Variants in UGT2B11 observed in about 807,000 individuals in gnomAD.
UGT2B11 encodes UDP-glucuronosyltransferase 2B11.
A neutral mutation model predicts 51.7 loss-of-function variants in UGT2B11; 49 were observed. The ratio of observed to expected loss-of-function variants is 0.95; its 90% CI spans 0.75 to 1.20. The LOEUF is 1.20. Ranked by LOEUF, UGT2B11 falls within the 50% of genes most tolerant of loss-of-function variation. The probability of loss-of-function intolerance (pLI) is 0.00; values close to 1 mark genes in which losing one functional copy is unlikely to be tolerated. For missense variants in UGT2B11, 810 were observed against 622.1 expected (o/e 1.30, Z -3.21); for synonymous variants, 273 against 209.0 (o/e 1.31, Z -2.64).
the UGT2B11 span, among the ~76,000 whole-genome samples, chr4:69,224,379 T>C: frequency 1.3e-5 from 2 of 152,014 alleles, no homozygotes; most frequent in African/African-American, 2.4e-5. Flanking sequence ...CGGACCACCA[T>C]GAAAAGTGAA....
In UGT2B11 at chr4:69,200,312, ATTTTT is replaced by A. The variant is rs11340393; in HGVS notation, c.*123_*127del. 3.8e-3 allele frequency: 3,111 copies of A among 812,570 alleles called. 1 individual carries two copies. Among genetic ancestry groups the A allele is most frequent in the East Asian group, 8.3e-3 (152 of 18,396 alleles). 50.3% of individuals were successfully genotyped at this position (812,570 alleles called of 1,614,324 possible). A position where few individuals can be genotyped will look rare whatever the true frequency, so the allele number is the denominator to read the frequency against. ...TTTACTTGACAAGGTAGATTTGAAA[ATTTTT>A]TTTTTTTTTTTTTTTTTGTCACAGG... On this transcript the variant is annotated 3_prime_UTR_variant, in exon 6 of 6. Coordinates refer to ENST00000446444, the MANE Select transcript of UGT2B11 (RefSeq NM_001073.3).
At chr4:69,220,488 A>T in the UGT2B11 span, among the ~76,000 whole-genome samples, 5 of 6,166 alleles carry the variant, frequency 8.1e-4, no homozygotes, top group Non-Finnish European at 1.3e-3. Context: ...CACATTTTGC[A>T]CTCACACTGT....
At chr4:69,202,755 A>T (rs1013770634) in intron 5 of UGT2B11, among the ~76,000 whole-genome samples, 2 of 151,678 alleles carry the variant, frequency 1.3e-5, no homozygotes, top group African/African-American at 4.8e-5. Context: ...AATCTACCAC[A>T]TTGTTTTATG....
the UGT2B11 span, among the ~76,000 whole-genome samples, chr4:69,224,503 C>A: frequency 6.6e-6 from 1 of 152,116 alleles, no homozygotes; most frequent in Non-Finnish European, 1.5e-5. Flanking sequence ...CATGGCCGCG[C>A]TAATCACCTT....
Position 69,204,522 on chromosome 4 carries a change from C to A in UGT2B11, c.1218G>T (p.Met406Ile). ...FFDQPDNIAH[M>I]KAKGAAVRLD... ...ATCTAACAGCTGCTCCCTTGGCCTT[C>A]ATGTGAGCAATGTTATCAGGTTGAT... is the stretch of plus-strand genomic sequence containing the variant. Residue 406 changes from methionine (M) to isoleucine (I), a missense_variant, in exon 5 of 6, where the codon ATG becomes ATT. Met to Ile is a conservative substitution (Grantham distance 10). Transcript: ENST00000446444. The A allele has an allele frequency of 6.2e-7, 1 of 1,612,364 alleles. No individual in the cohort carries two copies. Among genetic ancestry groups the A allele is most frequent in the Non-Finnish European group, 8.5e-7 (1 of 1,178,900 alleles).
At chr4:69,213,588 A>T (rs1263563439) in intron 1 of UGT2B11, among the ~76,000 whole-genome samples, 1 of 151,772 alleles carries the variant, frequency 6.6e-6, no homozygotes, top group East Asian at 1.9e-4. Flanking sequence ...GAAAACTGAG[A>T]TTTACAAGGA....
chr4:69,210,723 C>G (rs1308279523), intron 2 of UGT2B11, among the ~76,000 whole-genome samples: 1 of 151,538 alleles, frequency 6.6e-6, no homozygotes, highest in Admixed American at 6.6e-5. Context: ...CAGCTTTTCT[C>G]TCTTGAGAAA....
rs746476624 is a variant in UGT2B11, at chr4:69,204,598, T to G, written c.1142A>C (p.Tyr381Ser). 1.9e-6 allele frequency: 3 copies of G among 1,612,092 alleles called. No individual in the cohort carries two copies. The highest frequency in any genetic ancestry group is 8.5e-7 in the Non-Finnish European group (1 of 1,178,744). The change falls in exon 5 of 6, where the codon TAT becomes TCT. Residue 381 changes from tyrosine to serine, a missense_variant. Transcript: ENST00000446444. Reference sequence around the variant, plus strand: ...AGGGATCCCATGGTAGATTGCCTCATAGATGCCATTGGCTCCACCATGAGT... The same window carrying G: ...AGGGATCCCATGGTAGATTGCCTCAGAGATGCCATTGGCTCCACCATGAGT... ...FITHGGANGI[Y>S]EAIYHGIPMV...
chr4:69,203,890 T>C (rs375824536), intron 5 of UGT2B11, among the ~76,000 whole-genome samples: 1 of 151,330 alleles, frequency 6.6e-6, no homozygotes, highest in East Asian at 2.0e-4. Context: ...TTTGTGTTGA[T>C]AAAAATGTTC....
intron 3 of UGT2B11, among the ~76,000 whole-genome samples, chr4:69,206,188 A>T (rs1721849567): frequency 6.6e-6 from 1 of 151,556 alleles, no homozygotes; most frequent in Non-Finnish European, 1.5e-5. Context: ...TGTTAGTTGC[A>T]GTACTATTCA....
At chr4:69,223,199 C>G in the UGT2B11 span, among the ~76,000 whole-genome samples, 10 of 152,172 alleles carry the variant, frequency 6.6e-5, no homozygotes, top group Non-Finnish European at 1.2e-4. Flanking sequence ...GTACAGAAGA[C>G]AATCAGCCAC....
At position 69,213,977 on chromosome 4, in the gene UGT2B11, C is replaced by T. The variant is rs202142548; in HGVS notation, c.721+25G>A. 41 of 1,534,120 alleles carry T rather than the reference C, an allele frequency of 2.7e-5. No individual in the cohort carries two copies. In the East Asian group the frequency reaches 4.1e-4, roughly 15 times the overall value. On this transcript the variant is annotated intron_variant, in intron 1 of 5. Transcript: ENST00000446444. Reference sequence around the variant, plus strand: ...AAGACACAAATAAGTTAGATCTTCACGTTACCGATTAAACAAATTCTTACC... The same window carrying T: ...AAGACACAAATAAGTTAGATCTTCATGTTACCGATTAAACAAATTCTTACC...
upstream of UGT2B11, among the ~76,000 whole-genome samples, chr4:69,218,117 G>A (rs1339234113): frequency 6.6e-6 from 1 of 152,094 alleles, no homozygotes. Flanking sequence ...TTGTTCCATA[G>A]TCCAATCTTG....
the UGT2B11 span, among the ~76,000 whole-genome samples, chr4:69,224,170 G>T: frequency 3.9e-5 from 6 of 152,098 alleles, no homozygotes; most frequent in African/African-American, 7.2e-5. Flanking sequence ...TCTTCATCCT[G>T]CCTAGTGGGA....
the UGT2B11 span, among the ~76,000 whole-genome samples, chr4:69,222,038 C>G: frequency 6.6e-6 from 1 of 152,114 alleles, no homozygotes; most frequent in East Asian, 1.9e-4. Flanking sequence ...GGCCTCTCCT[C>G]TCTTGATTCC....
rs781296587 is a variant in UGT2B11 at position 69,214,669 on chromosome 4, A to G, written c.54T>C (p.Phe18=). ...GCACTTTTCCACAACTCCCAGAGCT[A>G]AAGTAACAACTGAGATGTATCAGCA... is the stretch of plus-strand genomic sequence containing the variant. ...VLLLIHLSCY[F]SSGSCGKVLV... Residue 18 remains phenylalanine (F), a synonymous_variant, in exon 1 of 6, where the codon TTT becomes TTC. Coordinates refer to ENST00000446444, the MANE Select transcript of UGT2B11 (RefSeq NM_001073.3). 2.5e-6 allele frequency: 4 copies of G among 1,613,032 alleles called. No individual in the cohort carries two copies. The highest frequency in any genetic ancestry group is 2.2e-5 in the East Asian group (1 of 44,826).
chr4:69,205,700 G>C (rs112259091), intron 3 of UGT2B11, 133 bp from the exon 4 acceptor site: 86 of 1,004,840 alleles, frequency 8.6e-5, no homozygotes, highest in Admixed American at 4.3e-4. Context: ...GATGTAAAAA[G>C]AATACTCACA....
intron 3 of UGT2B11, among the ~76,000 whole-genome samples, chr4:69,207,922 G>A (rs1467857065): frequency 6.6e-6 from 1 of 151,560 alleles, no homozygotes; most frequent in Non-Finnish European, 1.5e-5. Flanking sequence ...CAAAGATGCA[G>A]TTCTGGATAT....
chr4:69,215,588 A>C (rs1722245877), upstream of UGT2B11: 5 of 152,026 alleles, frequency 3.3e-5, no homozygotes, highest in Admixed American at 3.3e-4. Context: ...ATTAACATTG[A>C]TGTGCATGAA....
Sources: allele counts gnomAD v4.1 joint callset (sites outside exome capture counted in the v4.1 genomes callset), GRCh38; gene constraint gnomAD v4.1.1; transcripts MANE v1.5; gene names NCBI Gene and HGNC (gene_info 2026-07-23, HGNC 2026-07-21).